FGL1: variants seen among roughly 807,000 people sequenced by gnomAD.
FGL1 encodes the protein fibrinogen-like protein 1.
FGL1 carries 59 observed loss-of-function variants against 43.7 expected under a neutral mutation model. The ratio of observed to expected loss-of-function variants is 1.35; its 90% CI spans 1.10 to 1.68. The LOEUF is 1.68. Ranked by LOEUF, FGL1 falls within the 40% of genes most tolerant of loss-of-function variation. The pLI is 0.00. For synonymous variants in FGL1, 192 were observed against 126.5 expected, an observed-to-expected ratio of 1.52 and a Z score of -3.48; for missense variants, 596 against 373.0, an observed-to-expected ratio of 1.60 and a Z score of -4.92.
intron 1 of FGL1, among the ~76,000 whole-genome samples, chr8:17,890,881 C>T (rs1274576480): frequency 6.6e-6 from 1 of 151,996 alleles, no homozygotes; most frequent in East Asian, 1.9e-4. Context: ...TAGCTGCCCC[C>T]ATGATTCAAT....
intron 5 of FGL1, 132 bp from the exon 6 acceptor site, chr8:17,869,136 T>A: frequency 1.8e-6 from 1 of 568,432 alleles, no homozygotes; most frequent in East Asian, 3.0e-5. Flanking sequence ...TTTCAAAGAT[T>A]AAACAGTGAC....
rs912433566 is a variant in FGL1, at chr8:17,893,758, T to C, written c.-18+1689A>G. Among the ~76,000 whole-genome samples, 4 of 147,330 alleles carry C rather than the reference T, an allele frequency of 2.7e-5. 1 individual carries two copies. The highest frequency in any genetic ancestry group is 1.9e-4 in the East Asian group (1 of 5,196). The stretch of plus-strand genomic sequence containing the variant: ...ATTCTAACCAACATTCTCTGTAATA[T>C]TGAAGAAATGCTAAGCATTAAGAAA... On this transcript the variant is annotated intron_variant, in intron 1 of 7. Coordinates refer to ENST00000427924, the MANE Select transcript of FGL1 (RefSeq NM_004467.4).
chr8:17,877,061 G>C (rs1218836545), intron 3 of FGL1, among the ~76,000 whole-genome samples: 2 of 152,148 alleles, frequency 1.3e-5, no homozygotes, highest in African/African-American at 4.8e-5. Flanking sequence ...TAAGAAGCCT[G>C]CTTTGGGAAA....
intron 1 of FGL1, among the ~76,000 whole-genome samples, chr8:17,887,634 A>C (rs2131741924): frequency 6.6e-6 from 1 of 152,248 alleles, no homozygotes; most frequent in South Asian, 2.1e-4. Flanking sequence ...CGGATCACTG[A>C]GGCCAGCATG....
chr8:17,885,891 G>C (rs1481827936), intron 1 of FGL1: 1 of 195,212 alleles, frequency 5.1e-6, no homozygotes, highest in Non-Finnish European at 1.0e-5. Context: ...ACACATCAAG[G>C]AAGTGGCGTA....
chr8:17,868,676 C>T lies in FGL1; in HGVS notation c.651G>A (p.Gly217=). The change falls in exon 7 of 8, where the codon GGG becomes GGA. Residue 217 remains glycine, a synonymous_variant. Transcript: ENST00000427924. ...YSGTAGDSLA[G]NFHPEVQWWA... is the part of the protein sequence containing the mutation. ...ACCACTGCACCTCAGGATGAAAATT[C>T]CCCGCAAGGGAATCTCCAGCTGTTC... The T allele has an allele frequency of 6.2e-7, 1 of 1,613,896 alleles. No individual in the cohort carries two copies. Among genetic ancestry groups the T allele is most frequent in the East Asian group, 2.2e-5 (1 of 44,864 alleles).
At chr8:17,881,351 G>T (rs2053532394) in intron 3 of FGL1, among the ~76,000 whole-genome samples, 1 of 151,538 alleles carries the variant, frequency 6.6e-6, no homozygotes, top group Admixed American at 6.6e-5. Context: ...TGGCCAGGCT[G>T]GTCTAGATCT....
rs758405933 is a variant in FGL1, at chr8:17,881,953, T to G, written c.244+46A>C. ...AACTAGCACCATCACTGTACATGGG[T>G]GCATAATGTAAGTTATAGAAACACT... On this transcript the variant is annotated intron_variant, in intron 3 of 7. Transcript: ENST00000427924. The G allele has an allele frequency of 5.2e-6, 8 of 1,533,858 alleles. No individual in the cohort carries two copies. In the South Asian group the frequency reaches 5.8e-5, roughly 11 times the overall value.
intron 3 of FGL1, among the ~76,000 whole-genome samples, chr8:17,881,402 T>G (rs954086220): frequency 6.6e-6 from 1 of 151,858 alleles, no homozygotes; most frequent in African/African-American, 2.4e-5. Context: ...CCCAACGTGC[T>G]GGGATTACAG....
At chr8:17,883,882 C>T (rs1312250528) in intron 2 of FGL1, among the ~76,000 whole-genome samples, 1 of 149,834 alleles carries the variant, frequency 6.7e-6, no homozygotes, top group African/African-American at 2.5e-5. Context: ...ATTTCTTTCT[C>T]CTCTTTTCTT....
Position 17,868,586 on chromosome 8 carries a change from G to A in FGL1, c.741C>T (p.Asn247=), listed in dbSNP as rs373205108. 1.9e-6 allele frequency: 3 copies of A among 1,613,694 alleles called. No homozygotes were observed. The highest frequency in any genetic ancestry group is 2.2e-5 in the South Asian group (2 of 91,024). The change falls in exon 7 of 8, where the codon AAC becomes AAT. Residue 247 remains asparagine (N), a synonymous_variant. Coordinates refer to ENST00000427924, the MANE Select transcript of FGL1 (RefSeq NM_004467.4). The part of the protein sequence containing the change: ...WDRDHDNYEG[N]CAEEDQSGWW... ...AGCCAGACTGATCTTCTTCTGCGCA[G>A]TTCCCTTCATAGTTGTCATGATCTC...
intron 1 of FGL1, 108 bp from the exon 2 acceptor site, chr8:17,885,679 C>T: frequency 1.2e-6 from 1 of 833,754 alleles, no homozygotes; most frequent in Non-Finnish European, 1.9e-6. Context: ...GCAGGCCATC[C>T]CTAATCTTAG....
At chr8:17,878,705 TG>T (rs1339569770) in intron 3 of FGL1, among the ~76,000 whole-genome samples, 2 of 152,202 alleles carry the variant, frequency 1.3e-5, no homozygotes, top group Non-Finnish European at 2.9e-5. Flanking sequence ...TGTATGTAAT[TG>T]GGTGTTTTCT....
At chr8:17,885,638 C>A in intron 1 of FGL1, 67 bp from the exon 2 acceptor site, 2 of 1,334,606 alleles carry the variant, frequency 1.5e-6, no homozygotes, top group South Asian at 2.5e-5. Context: ...AGAGTTCAGA[C>A]TTCAGTAGCT....
At chr8:17,886,159 A>G (rs2053625548) in intron 1 of FGL1, among the ~76,000 whole-genome samples, 1 of 152,238 alleles carries the variant, frequency 6.6e-6, no homozygotes, top group Non-Finnish European at 1.5e-5. Context: ...ATTATTCCTC[A>G]GGAGGCAAAA....
intron 3 of FGL1, among the ~76,000 whole-genome samples, chr8:17,877,694 G>C (rs1263255894): frequency 6.6e-6 from 1 of 152,046 alleles, no homozygotes; most frequent in Non-Finnish European, 1.5e-5. Flanking sequence ...TTTGATAAAG[G>C]CATGCAATGC....
At chr8:17,885,599 T>G (rs892882972) in intron 1 of FGL1, 28 bp from the exon 2 acceptor site, 2 of 1,594,938 alleles carry the variant, frequency 1.3e-6, no homozygotes, top group African/African-American at 2.7e-5. Flanking sequence ...ATTTTATAAA[T>G]GTATCAACCT....
chr8:17,873,186 A>G (rs1051679394), intron 5 of FGL1, among the ~76,000 whole-genome samples: 2 of 152,190 alleles, frequency 1.3e-5, no homozygotes, highest in Non-Finnish European at 2.9e-5. Context: ...TTTAAAAAAA[A>G]GTCTGAGCTG....
At chr8:17,873,178 T>TA (rs943574018) in intron 5 of FGL1, among the ~76,000 whole-genome samples, 1 of 152,130 alleles carries the variant, frequency 6.6e-6, no homozygotes, top group South Asian at 2.1e-4. Context: ...TACTTCCTTT[T>TA]AAAAAAAAGT....
Sources: allele counts gnomAD v4.1 joint callset (sites outside exome capture counted in the v4.1 genomes callset), GRCh38; gene constraint gnomAD v4.1.1; transcripts MANE v1.5; gene names NCBI Gene and HGNC (gene_info 2026-07-23, HGNC 2026-07-21).